LUZP2: variants seen among roughly 807,000 people sequenced by gnomAD.
LUZP2 encodes the protein leucine zipper protein 2.
In LUZP2, 52 loss-of-function variants were observed where a neutral mutation model predicts 51.6. The ratio of observed to expected loss-of-function variants is 1.01; its 90% CI spans 0.81 to 1.27. The LOEUF (loss-of-function observed/expected upper bound fraction) is 1.27, where lower values mean the gene tolerates loss of function less well. Among genes scored for constraint, LUZP2 ranks in the 50% most tolerant of loss-of-function variants. LUZP2 has a pLI of 0.00. For synonymous variants in LUZP2, 154 were observed against 137.3 expected (o/e 1.12, Z -0.85); for missense variants, 436 against 395.4 (o/e 1.10, Z -0.87).
chr11:24,874,142 C>A (rs1262919127), intron 5 of LUZP2, among the ~76,000 whole-genome samples: 1 of 152,128 alleles, frequency 6.6e-6, no homozygotes, highest in African/African-American at 2.4e-5. Context: ...GGGAACAATG[C>A]TAAAATGAAG....
intron 5 of LUZP2, among the ~76,000 whole-genome samples, chr11:24,840,866 C>A (rs746919620): frequency 3.3e-5 from 5 of 151,906 alleles, no homozygotes; most frequent in African/African-American, 9.7e-5. Context: ...ACAAATTTAC[C>A]ATCCAAAATA....
chr11:25,031,273 G>T (rs986258685), intron 9 of LUZP2, among the ~76,000 whole-genome samples: 20 of 151,704 alleles, frequency 1.3e-4, no homozygotes, highest in African/African-American at 4.3e-4. Context: ...GCATCCCAAA[G>T]TGCTGGTATT....
In LUZP2 at chr11:24,497,073, C is replaced by T. The variant is rs1849845500; in HGVS notation, c.-171C>T. ...ACATCACTCCTGAAGATACTCCTCG[C>T]TCCCAGCGCCTGCCTTCCCCAGGCG... On this transcript the variant is annotated 5_prime_UTR_variant, in exon 1 of 12. Coordinates refer to ENST00000336930, the MANE Select transcript of LUZP2 (RefSeq NM_001009909.4). The T allele has an allele frequency of 4.2e-6, 2 of 479,602 alleles. No homozygotes were observed. The highest frequency in any genetic ancestry group is 7.2e-6 in the Non-Finnish European group (2 of 277,206). 29.7% of individuals were successfully genotyped at this position (479,602 alleles called of 1,614,324 possible). A position where few individuals can be genotyped will look rare whatever the true frequency, so the allele number is the denominator to read the frequency against.
At chr11:24,986,190 A>G (rs946820750) in intron 9 of LUZP2, among the ~76,000 whole-genome samples, 1 of 151,724 alleles carries the variant, frequency 6.6e-6, no homozygotes, top group Non-Finnish European at 1.5e-5. Flanking sequence ...TGCTTGCAAA[A>G]GTTGACTGTT....
intron 7 of LUZP2, among the ~76,000 whole-genome samples, chr11:24,966,484 G>A (rs893499580): frequency 2.0e-5 from 3 of 150,390 alleles, no homozygotes; most frequent in African/African-American, 7.3e-5. Context: ...CAAAGTCACA[G>A]TAATTTTATT....
At chr11:24,658,626 A>T (rs1357448818) in intron 1 of LUZP2, among the ~76,000 whole-genome samples, 3 of 152,174 alleles carry the variant, frequency 2.0e-5, no homozygotes, top group Admixed American at 6.5e-5. Context: ...CTACCATCAG[A>T]GTGAACAGGC....
intron 1 of LUZP2, among the ~76,000 whole-genome samples, chr11:24,546,241 A>G (rs1851538665): frequency 6.6e-6 from 1 of 151,986 alleles, no homozygotes; most frequent in African/African-American, 2.4e-5. Flanking sequence ...GGATAGTTTG[A>G]CTTCTTCTCT....
At chr11:24,891,641 A>C in intron 5 of LUZP2, 1 of 727,200 alleles carries the variant, frequency 1.4e-6, no homozygotes, top group Non-Finnish European at 1.7e-6. Context: ...TATGTGTCCT[A>C]TCTATCTCGA....
At chr11:24,700,600 A>C (rs946617574) in intron 1 of LUZP2, among the ~76,000 whole-genome samples, 3 of 152,052 alleles carry the variant, frequency 2.0e-5, no homozygotes, top group Non-Finnish European at 2.9e-5. Context: ...TAAATGCTAT[A>C]TCCCCCAAAC....
chr11:25,014,544 A>T (rs368455270), intron 9 of LUZP2, among the ~76,000 whole-genome samples: 1 of 151,970 alleles, frequency 6.6e-6, no homozygotes, highest in East Asian at 1.9e-4. Context: ...TGCATAAATG[A>T]CTTCTTTTGA....
chr11:24,855,554 A>T (rs1177097922), intron 5 of LUZP2, among the ~76,000 whole-genome samples: 1 of 152,242 alleles, frequency 6.6e-6, no homozygotes, highest in Non-Finnish European at 1.5e-5. Flanking sequence ...AGCAATTTAC[A>T]AATTCAATAA....
At chr11:24,543,540 G>A (rs559583530) in intron 1 of LUZP2, among the ~76,000 whole-genome samples, 9 of 152,144 alleles carry the variant, frequency 5.9e-5, no homozygotes, top group South Asian at 4.1e-4. Flanking sequence ...TGCTATGAGC[G>A]AGGAAATAGA....
chr11:24,836,160 A>C (rs999343561), intron 5 of LUZP2, among the ~76,000 whole-genome samples: 8 of 151,932 alleles, frequency 5.3e-5, no homozygotes, highest in Admixed American at 2.6e-4. Context: ...GCACATGTAC[A>C]GTAATGATGG....
intron 1 of LUZP2, among the ~76,000 whole-genome samples, chr11:24,661,322 C>T (rs369972770): frequency 2.0e-5 from 3 of 152,260 alleles, no homozygotes; most frequent in Non-Finnish European, 2.9e-5. Context: ...TATGTGATTG[C>T]TAATTGGAAA....
intron 7 of LUZP2, among the ~76,000 whole-genome samples, chr11:24,929,985 C>T (rs1410381845): frequency 6.6e-6 from 1 of 152,198 alleles, no homozygotes; most frequent in Admixed American, 6.5e-5. Flanking sequence ...GAGATAATGT[C>T]TGTCTTCGAC....
At chr11:24,665,754 T>C (rs898714573) in intron 1 of LUZP2, among the ~76,000 whole-genome samples, 22 of 152,264 alleles carry the variant, frequency 1.4e-4, no homozygotes, top group African/African-American at 5.1e-4. Flanking sequence ...TCTGCCATGA[T>C]TGTAAATTTG....
rs1380434309 is a variant in LUZP2 at position 25,081,659 on chromosome 11, CTAAA to C, written c.*3006_*3009del. 1 of 152,084 alleles carries C rather than the reference CTAAA, an allele frequency of 6.6e-6. No homozygotes were observed. The highest frequency in any genetic ancestry group is 2.4e-5 in the African/African-American group (1 of 41,410). 9.4% of individuals were successfully genotyped at this position (152,084 alleles called of 1,614,324 possible). On this transcript the variant is annotated 3_prime_UTR_variant, in exon 12 of 12. Transcript: ENST00000336930. Reference sequence around the variant, plus strand: ...ATTTCTCACATATTTTAATTAACAACTAAATAAACAGACGTTGTTTTAAAGGAAT... The same window carrying C: ...ATTTCTCACATATTTTAATTAACAACTAAACAGACGTTGTTTTAAAGGAAT...
At chr11:24,521,107 T>C (rs1850625525) in intron 1 of LUZP2, among the ~76,000 whole-genome samples, 1 of 152,142 alleles carries the variant, frequency 6.6e-6, no homozygotes. Context: ...TCCCAGCACT[T>C]TGGGAGGCCA....
intron 8 of LUZP2, among the ~76,000 whole-genome samples, 181 bp downstream of exon 8, chr11:24,976,846 C>T (rs1375353441): frequency 2.0e-5 from 3 of 150,928 alleles, no homozygotes; most frequent in African/African-American, 4.9e-5. Flanking sequence ...CCAACTATTT[C>T]TTTGTTTTTG....
Sources: gnomAD v4.1 joint callset for allele counts (sites outside exome capture counted in the v4.1 genomes callset) on GRCh38, gnomAD v4.1.1 for gene constraint, MANE v1.5 for transcripts, NCBI Gene and HGNC (gene_info 2026-07-23, HGNC 2026-07-21) for gene names.